KIF3C: variants seen among roughly 807,000 people sequenced by gnomAD.
KIF3C encodes kinesin family member 3C.
In KIF3C, 12 loss-of-function variants were observed where a neutral mutation model predicts 67.7. That is an observed-to-expected ratio of 0.18 (90% CI 0.11 to 0.29). KIF3C has a LOEUF of 0.29. Among genes scored for constraint, KIF3C ranks in the 10% least tolerant of loss-of-function variants. The pLI is 1.00. For synonymous variants in KIF3C, 393 were observed against 426.2 expected (o/e 0.92, Z 0.96); for missense variants, 789 against 1,059.6 (o/e 0.74, Z 3.55).
rs1175700591 is a variant in KIF3C, at chr2:25,929,254, G to C, written c.2288+51C>G. ...TCTTTAGCATCACCCAGCGCCTGCA[G>C]TTCCCCTGCCTCCTGGGTCCAGTGC... On this transcript the variant is annotated intron_variant, in intron 7 of 7. Coordinates refer to ENST00000264712, the MANE Select transcript of KIF3C (RefSeq NM_002254.8). The C allele has an allele frequency of 2.5e-6, 4 of 1,586,370 alleles. No homozygotes were observed. The Admixed American group carries it at 6.7e-5, about 27-fold the overall frequency.
chr2:25,975,509 C>G (rs529779156), intron 1 of KIF3C, among the ~76,000 whole-genome samples: 1 of 152,160 alleles, frequency 6.6e-6, no homozygotes, highest in East Asian at 1.9e-4. Flanking sequence ...TCCTCAGGAA[C>G]CAGTTCCCAA....
intron 5 of KIF3C, among the ~76,000 whole-genome samples, chr2:25,936,083 T>C (rs1357788692): frequency 6.7e-6 from 1 of 149,936 alleles, no homozygotes; most frequent in South Asian, 2.1e-4. Context: ...TGAGACTCAG[T>C]CTCAAAAAAA....
At chr2:25,939,500 T>C (rs1463420098) in intron 5 of KIF3C, among the ~76,000 whole-genome samples, 6 of 152,206 alleles carry the variant, frequency 3.9e-5, no homozygotes, top group African/African-American at 1.4e-4. Context: ...TGCTCCCTGC[T>C]TCACACTGTC....
At chr2:25,951,402 C>T (rs761982539) in intron 5 of KIF3C, 3 of 214,414 alleles carry the variant, frequency 1.4e-5, no homozygotes, top group Admixed American at 5.3e-5. Flanking sequence ...GCACAGCATC[C>T]GGCACACAGT....
At chr2:25,961,417 G>A (rs1663939342) in intron 1 of KIF3C, among the ~76,000 whole-genome samples, 1 of 152,192 alleles carries the variant, frequency 6.6e-6, no homozygotes, top group African/African-American at 2.4e-5. Flanking sequence ...CCTCCTAGGT[G>A]GTAAAGTACA....
At chr2:25,968,463 T>C (rs764037997) in intron 1 of KIF3C, among the ~76,000 whole-genome samples, 2 of 152,180 alleles carry the variant, frequency 1.3e-5, no homozygotes, top group African/African-American at 2.4e-5. Context: ...CCTTCTACTT[T>C]AGTGAAAAAA....
chr2:25,937,287 CT>C (rs977983255), intron 5 of KIF3C, among the ~76,000 whole-genome samples: 1 of 152,226 alleles, frequency 6.6e-6, no homozygotes, highest in African/African-American at 2.4e-5. Flanking sequence ...CAATGGCTGC[CT>C]TCTGCAGCTG....
At chr2:25,940,007 A>G (rs1280220391) in intron 5 of KIF3C, among the ~76,000 whole-genome samples, 1 of 152,172 alleles carries the variant, frequency 6.6e-6, no homozygotes, top group Non-Finnish European at 1.5e-5. Flanking sequence ...GCAGTTTAAC[A>G]AAAAATCAAC....
intron 1 of KIF3C, among the ~76,000 whole-genome samples, chr2:25,964,950 G>A (rs1330721029): frequency 2.0e-5 from 3 of 152,230 alleles, no homozygotes; most frequent in East Asian, 1.9e-4. Flanking sequence ...CTGCTTCCGC[G>A]TTGGATCTCC....
At chr2:25,948,668 AAGAG>A (rs1283680920) in intron 5 of KIF3C, among the ~76,000 whole-genome samples, 10 of 149,292 alleles carry the variant, frequency 6.7e-5, no homozygotes, top group South Asian at 4.3e-4. Context: ...GAAAGAGAGA[AAGAG>A]AGAGAGAAAG....
chr2:25,953,796 T>C (rs1313077357), intron 4 of KIF3C, among the ~76,000 whole-genome samples: 1 of 151,492 alleles, frequency 6.6e-6, no homozygotes, highest in Admixed American at 6.6e-5. Flanking sequence ...GCCTCCTGAG[T>C]AGCTGGGATT....
intron 1 of KIF3C, among the ~76,000 whole-genome samples, chr2:25,975,026 C>T (rs77374673): frequency 8.6e-6 from 1 of 116,522 alleles, no homozygotes. Flanking sequence ...AACTCCATCT[C>T]AAAAAAAAAA....
intron 1 of KIF3C, among the ~76,000 whole-genome samples, chr2:25,959,261 C>A (rs1156651333): frequency 6.6e-6 from 1 of 152,130 alleles, no homozygotes; most frequent in East Asian, 1.9e-4. Context: ...AGTAACCAGG[C>A]CATATTCCTA....
rs184011911 is a variant in KIF3C, at chr2:25,930,423, A to G, written c.2007-360T>C. Reference sequence around the variant, plus strand: ...ACCCACGCTGCAGTGCAGTGGCACAATCTCAGCTCGCTGCAGCCTCCACCT... The same window carrying G: ...ACCCACGCTGCAGTGCAGTGGCACAGTCTCAGCTCGCTGCAGCCTCCACCT... On this transcript the variant is annotated intron_variant, in intron 5 of 7. Coordinates refer to ENST00000264712, the MANE Select transcript of KIF3C (RefSeq NM_002254.8). 2.1e-3 allele frequency among the ~76,000 whole-genome samples: 313 copies of G among 152,276 alleles called. 3 individuals carry two copies. Among genetic ancestry groups the G allele is most frequent in the African/African-American group, 6.3e-3 (261 of 41,552 alleles).
intron 1 of KIF3C, among the ~76,000 whole-genome samples, chr2:25,977,299 A>T (rs999060582): frequency 3.3e-5 from 5 of 152,122 alleles, no homozygotes; most frequent in African/African-American, 1.2e-4. Context: ...TGAGTCAGAG[A>T]GAGTGAATGA....
At chr2:25,938,312 C>T (rs912639516) in intron 5 of KIF3C, 15 of 439,392 alleles carry the variant, frequency 3.4e-5, no homozygotes, top group South Asian at 9.6e-5. Flanking sequence ...GAGCTGAGAT[C>T]GTGCCACTGC....
chr2:25,974,313 C>T (rs1302699072), intron 1 of KIF3C, among the ~76,000 whole-genome samples: 2 of 152,128 alleles, frequency 1.3e-5, no homozygotes, highest in African/African-American at 4.8e-5. Flanking sequence ...CGTGATCCAC[C>T]CACCTCGGCC....
intron 7 of KIF3C, 81 bp from the exon 8 acceptor site, chr2:25,929,152 T>TC: frequency 4.9e-6 from 7 of 1,428,726 alleles, no homozygotes; most frequent in African/African-American, 1.4e-5. Flanking sequence ...CTTTGCCCCA[T>TC]CCTGTTGCTG....
intron 5 of KIF3C, among the ~76,000 whole-genome samples, chr2:25,940,299 G>A (rs35884179): frequency 0.023 from 3,497 of 152,260 alleles, 61 homozygotes; most frequent in South Asian, 0.047. Context: ...CCAGGCGCAT[G>A]GTGGCTCACG....
Sources: gnomAD v4.1 joint callset for allele counts (sites outside exome capture counted in the v4.1 genomes callset) on GRCh38, gnomAD v4.1.1 for gene constraint, MANE v1.5 for transcripts, NCBI Gene and HGNC (gene_info 2026-07-23, HGNC 2026-07-21) for gene names.